DYSF: variants seen among roughly 807,000 people sequenced by gnomAD.
DYSF encodes the protein dystrophy-associated fer-1-like 1.
DYSF carries 212 observed loss-of-function variants against 274.9 expected under a neutral mutation model. The ratio of observed to expected loss-of-function variants is 0.77; its 90% CI spans 0.69 to 0.86. DYSF has a LOEUF of 0.86. DYSF is among the 40% of genes least tolerant of loss of function. DYSF has a pLI of 0.00. For synonymous variants in DYSF, 1,091 were observed against 1,078.7 expected (o/e 1.01, Z -0.22); for missense variants, 2,666 against 2,783.2 (o/e 0.96, Z 0.95).
intron 41 of DYSF, among the ~76,000 whole-genome samples, chr2:71,642,892 C>T (rs1331320252): frequency 6.6e-6 from 1 of 152,206 alleles, no homozygotes; most frequent in Non-Finnish European, 1.5e-5. Flanking sequence ...GTGTTCAGTT[C>T]CTGGTGGAGA....
At position 71,667,470 on chromosome 2, in the gene DYSF, G is replaced by A; in HGVS notation, c.5412G>A (p.Val1804=). Residue 1804 remains valine (V), a synonymous_variant, in exon 48 of 56, where the codon GTG becomes GTA. Coordinates refer to ENST00000410020, the MANE Select transcript of DYSF (RefSeq NM_001130987.2). ...LQQQGLVPEH[V]ESRPLYSPLQ... ...AGCAGGGCCTGGTCCCGGAGCACGTGGAGTCACGGCCCCTCTACAGCCCCC... is the reference window on the plus strand; with the variant it reads ...AGCAGGGCCTGGTCCCGGAGCACGTAGAGTCACGGCCCCTCTACAGCCCCC... 6.2e-7 allele frequency: 1 copy of A among 1,614,130 alleles called. No homozygotes were observed. The highest frequency in any genetic ancestry group is 1.1e-5 in the South Asian group (1 of 91,082).
chr2:71,552,066 C>G (rs2090989308), intron 19 of DYSF, among the ~76,000 whole-genome samples: 1 of 152,228 alleles, frequency 6.6e-6, no homozygotes, highest in Non-Finnish European at 1.5e-5. Context: ...GTGCTGCTGA[C>G]ACCTCTGCCA....
At chr2:71,455,091 A>G (rs1262579049) in intron 1 of DYSF, among the ~76,000 whole-genome samples, 2 of 152,172 alleles carry the variant, frequency 1.3e-5, no homozygotes, top group African/African-American at 4.8e-5. Context: ...GTTTCTGGCC[A>G]TTCAGCACAG....
At chr2:71,502,390 A>G (rs1345085375) in intron 3 of DYSF, among the ~76,000 whole-genome samples, 1 of 151,986 alleles carries the variant, frequency 6.6e-6, no homozygotes, top group Non-Finnish European at 1.5e-5. Context: ...GTTCAGGGTA[A>G]GTCCATTTCT....
intron 40 of DYSF, among the ~76,000 whole-genome samples, chr2:71,614,717 G>A (rs78655177): frequency 0.021 from 3,201 of 152,240 alleles, 116 homozygotes; most frequent in African/African-American, 0.072. Context: ...ACAAGGCCTC[G>A]CTTAGCGGAG....
At chr2:71,465,440 G>A (rs573523579), upstream of DYSF, among the ~76,000 whole-genome samples, 7 of 152,206 alleles carry the variant, frequency 4.6e-5, no homozygotes, top group East Asian at 7.7e-4. Flanking sequence ...AGGGGCATCC[G>A]GGAGACAGGG....
intron 3 of DYSF, among the ~76,000 whole-genome samples, chr2:71,495,916 C>T (rs1466911517): frequency 6.6e-6 from 1 of 151,418 alleles, no homozygotes; most frequent in East Asian, 2.0e-4. Flanking sequence ...ATTGGTGGCT[C>T]TCTTCTGGGT....
intron 40 of DYSF, among the ~76,000 whole-genome samples, chr2:71,618,434 G>GTAGAGGTGTGT (rs1558640223): frequency 6.6e-5 from 3 of 45,702 alleles, no homozygotes; most frequent in Non-Finnish European, 8.4e-5. Flanking sequence ...GTAGAGGTGG[G>GTAGAGGTGTGT]GTGTGTGTGG....
Position 71,526,276 on chromosome 2 carries a change from GC to G in DYSF, c.1209del (p.Thr404GlnfsTer3), listed in dbSNP as rs1182625620. The stretch of plus-strand genomic sequence containing the variant: ...AGGACATTGAAAGCAACCTGCTCCG[GC>G]CCACAGGCGTAGCCCTGCGAGGAGC... ...KEDIESNLLR[P>X]TGVALRGAHF... On this transcript the variant is annotated frameshift_variant, in exon 13 of 56. Transcript: ENST00000410020. LOFTEE classifies it high-confidence loss of function. 1 of 1,614,244 alleles carries G rather than the reference GC, an allele frequency of 6.2e-7. No homozygotes were observed. Among genetic ancestry groups the G allele is most frequent in the South Asian group, 1.1e-5 (1 of 91,088 alleles).
chr2:71,510,304 G>C (rs1174233537), intron 4 of DYSF, among the ~76,000 whole-genome samples: 6 of 152,228 alleles, frequency 3.9e-5, no homozygotes, highest in Non-Finnish European at 8.8e-5. Flanking sequence ...ATCTCTAGGA[G>C]TCAGGTGTGG....
At chr2:71,577,427 C>T (rs1015424490) in intron 30 of DYSF, among the ~76,000 whole-genome samples, 2 of 151,774 alleles carry the variant, frequency 1.3e-5, no homozygotes, top group Non-Finnish European at 2.9e-5. Flanking sequence ...AACACCTACA[C>T]AATCACACTC....
At chr2:71,624,660 A>T (rs2094174418) in intron 41 of DYSF, among the ~76,000 whole-genome samples, 2 of 151,926 alleles carry the variant, frequency 1.3e-5, no homozygotes, top group Admixed American at 6.6e-5. Context: ...ACCTAAATTT[A>T]AAAAAAATGA....
Position 71,555,408 on chromosome 2 carries a change from A to G in DYSF, c.2110-557A>G, listed in dbSNP as rs116330565. On this transcript the variant is annotated intron_variant, in intron 21 of 55. Coordinates refer to ENST00000410020, the MANE Select transcript of DYSF (RefSeq NM_001130987.2). ...CCTCTCAGCTCAGGGCTGAGGACCCATGGAGAGGGCTGGAGAAGAGCTCGG... is the reference window on the plus strand; with the variant it reads ...CCTCTCAGCTCAGGGCTGAGGACCCGTGGAGAGGGCTGGAGAAGAGCTCGG... 1.5e-3 allele frequency among the ~76,000 whole-genome samples: 236 copies of G among 152,274 alleles called. 3 individuals are homozygous for G. The highest frequency in any genetic ancestry group is 5.4e-3 in the African/African-American group (225 of 41,560).
At chr2:71,639,612 G>T (rs116039574) in intron 41 of DYSF, among the ~76,000 whole-genome samples, 2,386 of 152,202 alleles carry the variant, frequency 0.016, 35 homozygotes, top group African/African-American at 0.035. Flanking sequence ...TGGAGGTACC[G>T]TTCAGTTCCA....
intron 3 of DYSF, among the ~76,000 whole-genome samples, chr2:71,485,353 C>T (rs1209894595): frequency 6.6e-6 from 1 of 152,124 alleles, no homozygotes; most frequent in African/African-American, 2.4e-5. Context: ...GTCAGGAGTT[C>T]GAGACCAGCC....
At chr2:71,534,081 G>A (rs1179766456) in intron 14 of DYSF, among the ~76,000 whole-genome samples, 1 of 152,202 alleles carries the variant, frequency 6.6e-6, no homozygotes, top group Non-Finnish European at 1.5e-5. Flanking sequence ...GGAGGGGGAA[G>A]GTGGGGGCAG....
At chr2:71,557,278 A>C (rs1038866255) in intron 22 of DYSF, among the ~76,000 whole-genome samples, 6 of 152,248 alleles carry the variant, frequency 3.9e-5, no homozygotes, top group South Asian at 2.1e-4. Context: ...AATTCAGGGA[A>C]GCTTCCTGGA....
chr2:71,676,392 T>C (rs2095222799), intron 52 of DYSF, among the ~76,000 whole-genome samples: 1 of 152,196 alleles, frequency 6.6e-6, no homozygotes, highest in African/African-American at 2.4e-5. Context: ...GGTAGAACTT[T>C]AAAATATATT....
chr2:71,462,502 G>A (rs1212926070), upstream of DYSF, among the ~76,000 whole-genome samples: 1 of 152,192 alleles, frequency 6.6e-6, no homozygotes, highest in African/African-American at 2.4e-5. Flanking sequence ...GTTGGGGTGG[G>A]GGGCAGGCTG....
Sources: allele counts gnomAD v4.1 joint callset (sites outside exome capture counted in the v4.1 genomes callset), GRCh38; gene constraint gnomAD v4.1.1; transcripts MANE v1.5; gene names NCBI Gene and HGNC (gene_info 2026-07-23, HGNC 2026-07-21).